FUT8: variants seen among roughly 807,000 people sequenced by gnomAD.
FUT8 encodes the protein fucosyltransferase 8.
FUT8 carries 29 observed loss-of-function variants against 71.3 expected under a neutral mutation model. The ratio of observed to expected loss-of-function variants is 0.41; its 90% CI spans 0.30 to 0.55. FUT8 has a LOEUF of 0.55. Ranked by LOEUF, FUT8 falls within the 20% of genes least tolerant of loss-of-function variation. FUT8 has a pLI of 0.34. For missense variants in FUT8, 544 were observed against 702.1 expected, an observed-to-expected ratio of 0.77 and a Z score of 2.55; for synonymous variants, 254 against 239.3, an observed-to-expected ratio of 1.06 and a Z score of -0.57.
intron 2 of FUT8, among the ~76,000 whole-genome samples, chr14:65,499,378 A>G (rs73284149): frequency 0.074 from 11,201 of 152,220 alleles, 763 homozygotes; most frequent in South Asian, 0.2. Flanking sequence ...GAGGCCCTCA[A>G]ACAGAGTACA....
intron 1 of FUT8, among the ~76,000 whole-genome samples, chr14:65,445,144 T>C (rs1292600880): frequency 6.6e-6 from 1 of 152,118 alleles, no homozygotes; most frequent in Non-Finnish European, 1.5e-5. Context: ...AGGCAGAGGA[T>C]GCAGTGAGCC....
At chr14:65,512,683 G>A (rs1882430112) in intron 2 of FUT8, among the ~76,000 whole-genome samples, 2 of 152,012 alleles carry the variant, frequency 1.3e-5, no homozygotes, top group South Asian at 4.1e-4. Context: ...GGCCGAGGCG[G>A]GTGGATCATG....
chr14:65,716,127 A>G (rs1895046851), intron 7 of FUT8, among the ~76,000 whole-genome samples: 2 of 152,150 alleles, frequency 1.3e-5, no homozygotes, highest in Non-Finnish European at 1.5e-5. Context: ...ATGTTCTATA[A>G]GTATTTATTA....
chr14:65,498,627 T>A (rs1369067913), intron 2 of FUT8, among the ~76,000 whole-genome samples: 1 of 152,216 alleles, frequency 6.6e-6, no homozygotes, highest in African/African-American at 2.4e-5. Context: ...AGTACAACAA[T>A]GTTATTTATC....
intron 2 of FUT8, among the ~76,000 whole-genome samples, chr14:65,525,034 T>G (rs150452153): frequency 2.0e-5 from 3 of 152,198 alleles, no homozygotes; most frequent in Admixed American, 6.5e-5. Flanking sequence ...CTTTTTTTGT[T>G]GTGTCTCTGC....
chr14:65,729,205 G>A (rs903782612), intron 9 of FUT8, among the ~76,000 whole-genome samples: 2 of 151,610 alleles, frequency 1.3e-5, no homozygotes, highest in Non-Finnish European at 2.9e-5. Context: ...TTTTATGGTA[G>A]AGACGGGATT....
At chr14:65,519,953 A>G (rs1882970261) in intron 2 of FUT8, among the ~76,000 whole-genome samples, 1 of 151,842 alleles carries the variant, frequency 6.6e-6, no homozygotes, top group African/African-American at 2.4e-5. Context: ...TAATTTTTGT[A>G]ATTTTTGTAG....
rs201369175 is a variant in FUT8, at chr14:65,741,307, ACT to A, written c.1411-781_1411-780del. On this transcript the variant is annotated intron_variant, in intron 10 of 10. Transcript: ENST00000673929. ...CCAGTTTATGTCATCCAAGCATGCCACTCTCTACACAGCACACTTAAAACTTT... is the reference window on the plus strand; with the variant it reads ...CCAGTTTATGTCATCCAAGCATGCCACTCTACACAGCACACTTAAAACTTT... Among the ~76,000 whole-genome samples, 1,282 of 151,882 alleles carry A rather than the reference ACT, an allele frequency of 8.4e-3. 17 individuals are homozygous for A. The highest frequency in any genetic ancestry group is 0.027 in the African/African-American group (1,119 of 41,416).
intron 2 of FUT8, among the ~76,000 whole-genome samples, chr14:65,474,130 GGAGACT>G (rs1485910372): frequency 6.6e-6 from 1 of 151,916 alleles, no homozygotes. Flanking sequence ...AATAGACTTT[GGAGACT>G]GAGACGCGGG....
chr14:65,455,042 A>G (rs141647835), intron 1 of FUT8, among the ~76,000 whole-genome samples: 2 of 152,278 alleles, frequency 1.3e-5, no homozygotes, highest in East Asian at 1.9e-4. Context: ...GAGAAAGTTG[A>G]TGGATATGCA....
At chr14:65,722,177 A>AT (rs769919934) in intron 8 of FUT8, among the ~76,000 whole-genome samples, 156 bp downstream of exon 8, 22 of 151,598 alleles carry the variant, frequency 1.5e-4, no homozygotes, top group East Asian at 3.9e-4. Context: ...CATGGAGACT[A>AT]TTTTTTTTTG....
chr14:65,474,331 G>C (rs960892660), intron 2 of FUT8, among the ~76,000 whole-genome samples: 1 of 151,056 alleles, frequency 6.6e-6, no homozygotes, highest in Non-Finnish European at 1.5e-5. Flanking sequence ...GGCCAGGCAG[G>C]TTGGTTCACG....
intron 7 of FUT8, among the ~76,000 whole-genome samples, chr14:65,708,515 T>A (rs761506025): frequency 5.3e-5 from 8 of 152,228 alleles, no homozygotes; most frequent in Non-Finnish European, 1.2e-4. Flanking sequence ...TTTTAATATC[T>A]TTTGTCAATA....
chr14:65,408,030 AG>A (rs1333442350), upstream of FUT8, among the ~76,000 whole-genome samples: 3 of 152,144 alleles, frequency 2.0e-5, no homozygotes, highest in African/African-American at 7.2e-5. Context: ...AGAATAGTCT[AG>A]GACTATTCTA....
intron 2 of FUT8, among the ~76,000 whole-genome samples, chr14:65,527,603 C>T (rs1180199845): frequency 1.3e-5 from 2 of 151,496 alleles, no homozygotes; most frequent in African/African-American, 4.8e-5. Flanking sequence ...CTGTTGCTGG[C>T]CTTTGGAGGG....
intron 3 of FUT8, among the ~76,000 whole-genome samples, chr14:65,588,127 C>A (rs1887489784): frequency 6.6e-6 from 1 of 152,130 alleles, no homozygotes. Context: ...ACCTACTGTT[C>A]TAGCTTAATT....
At chr14:65,586,749 T>C (rs770900738) in intron 3 of FUT8, among the ~76,000 whole-genome samples, 15 of 152,230 alleles carry the variant, frequency 9.9e-5, no homozygotes, top group Non-Finnish European at 1.3e-4. Flanking sequence ...TCACTGAATT[T>C]GTGCTTCTAT....
At chr14:65,392,104 G>C in the FUT8 span, among the ~76,000 whole-genome samples, 2 of 151,726 alleles carry the variant, frequency 1.3e-5, no homozygotes, top group African/African-American at 4.8e-5. Flanking sequence ...GACTAATTTT[G>C]TATTTTTAGC....
chr14:65,512,860 A>G (rs1028164595), intron 2 of FUT8, among the ~76,000 whole-genome samples: 1 of 148,996 alleles, frequency 6.7e-6, no homozygotes, highest in Non-Finnish European at 1.5e-5. Context: ...GTGAGCCGAC[A>G]TCACGCCACT....
Sources: gnomAD v4.1 joint callset for allele counts (sites outside exome capture counted in the v4.1 genomes callset) on GRCh38, gnomAD v4.1.1 for gene constraint, MANE v1.5 for transcripts, NCBI Gene and HGNC (gene_info 2026-07-23, HGNC 2026-07-21) for gene names.